Variants in SOCS6 observed in about 807,000 individuals in gnomAD.
SOCS6 encodes suppressor of cytokine signaling 6.
A neutral mutation model predicts 27.7 loss-of-function variants in SOCS6; 5 were observed. That is an observed-to-expected ratio of 0.18 (90% CI 0.09 to 0.38). The LOEUF is 0.38. SOCS6 is among the 10% of genes least tolerant of loss of function. SOCS6 has a pLI of 1.00. For missense variants in SOCS6, 595 were observed against 688.1 expected, an observed-to-expected ratio of 0.86 and a Z score of 1.51; for synonymous variants, 271 against 260.0, an observed-to-expected ratio of 1.04 and a Z score of -0.41.
At position 70,329,887 on chromosome 18, in the gene SOCS6, T is replaced by TTATA. The variant is rs1331773851; in HGVS notation, c.*3612_*3615dup. Reference sequence around the variant, plus strand: ...TACATCCAGAGATTATGAAAAATTCTTATAGAATTTTGTAACAAGTATTTA... The same window carrying TTATA: ...TACATCCAGAGATTATGAAAAATTCTTATATATAGAATTTTGTAACAAGTATTTA... On this transcript the variant is annotated 3_prime_UTR_variant, in exon 2 of 2. Coordinates refer to ENST00000397942, the MANE Select transcript of SOCS6 (RefSeq NM_004232.4). 2 of 167,104 alleles carry TTATA rather than the reference T, an allele frequency of 1.2e-5. No homozygotes were observed. The highest frequency in any genetic ancestry group is 1.3e-4 in the Admixed American group (2 of 15,284). 10.4% of individuals were successfully genotyped at this position (167,104 alleles called of 1,614,324 possible).
At chr18:70,289,316 G>C (rs2062287393) in intron 1 of SOCS6, among the ~76,000 whole-genome samples, 1 of 148,976 alleles carries the variant, frequency 6.7e-6, no homozygotes, top group African/African-American at 2.4e-5. Context: ...GGCCAGGGCC[G>C]GGGAACGGGG....
At position 70,326,688 on chromosome 18, in the gene SOCS6, A is replaced by G. The variant is rs1450861169; in HGVS notation, c.*412A>G. ...AATGGAAATTGCTATGTCTTTTTAAATGGTCCATTTTCAAAAGACAGTGTT... is the reference window on the plus strand; with the variant it reads ...AATGGAAATTGCTATGTCTTTTTAAGTGGTCCATTTTCAAAAGACAGTGTT... On this transcript the variant is annotated 3_prime_UTR_variant, in exon 2 of 2. Coordinates refer to ENST00000397942, the MANE Select transcript of SOCS6 (RefSeq NM_004232.4). 5.4e-6 allele frequency: 1 copy of G among 183,496 alleles called. No homozygotes were observed. The highest frequency in any genetic ancestry group is 1.3e-5 in the Non-Finnish European group (1 of 77,140). 11.4% of individuals were successfully genotyped at this position (183,496 alleles called of 1,614,324 possible). A position where few individuals can be genotyped will look rare whatever the true frequency, so the allele number is the denominator to read the frequency against.
At chr18:70,321,145 G>A (rs1201292856) in intron 1 of SOCS6, among the ~76,000 whole-genome samples, 3 of 151,648 alleles carry the variant, frequency 2.0e-5, no homozygotes, top group Non-Finnish European at 2.9e-5. Flanking sequence ...GTGGTGGTGC[G>A]TGCCTATAGT....
At chr18:70,323,015 A>G (rs575053115) in intron 1 of SOCS6, among the ~76,000 whole-genome samples, 8 of 152,302 alleles carry the variant, frequency 5.3e-5, no homozygotes, top group Admixed American at 1.3e-4. Flanking sequence ...TTATTCATCA[A>G]TCTGTGTATT....
chr18:70,292,898 AC>A (rs2062306295), intron 1 of SOCS6, among the ~76,000 whole-genome samples: 1 of 152,036 alleles, frequency 6.6e-6, no homozygotes, highest in Admixed American at 6.5e-5. Context: ...CAGTGGCACC[AC>A]CTCAGAGCAT....
Position 70,325,222 on chromosome 18 carries a change from A to G in SOCS6, c.554A>G (p.Gln185Arg), listed in dbSNP as rs372520047. Residue 185 changes from glutamine (Q) to arginine (R), a missense_variant, in exon 2 of 2, where the codon CAG becomes CGG. By Grantham distance (43) the Gln-to-Arg change is conservative. Coordinates refer to ENST00000397942, the MANE Select transcript of SOCS6 (RefSeq NM_004232.4). This position sits in a 1 kb window ranked among gnomAD's most constrained non-coding sequence, Gnocchi z 6.3. ...FHDLQSETTC[Q>R]EQANSLKSSA... ...GACCTCCAGTCTGAGACCACGTGCC[A>G]GGAGCAAGCCAATTCACTGAAGAGC... is the stretch of plus-strand genomic sequence containing the variant. The G allele has an allele frequency of 1.2e-6, 2 of 1,614,168 alleles. No individual in the cohort carries two copies. Among genetic ancestry groups the G allele is most frequent in the East Asian group, 2.2e-5 (1 of 44,882 alleles).
At chr18:70,319,360 A>T (rs1910890911) in intron 1 of SOCS6, among the ~76,000 whole-genome samples, 1 of 152,172 alleles carries the variant, frequency 6.6e-6, no homozygotes, top group African/African-American at 2.4e-5. Flanking sequence ...TCTTTGCTTT[A>T]TGTTAAAGTC....
intron 1 of SOCS6, among the ~76,000 whole-genome samples, chr18:70,305,016 C>T (rs1254837717): frequency 6.6e-6 from 1 of 152,038 alleles, no homozygotes; most frequent in Admixed American, 6.6e-5. Flanking sequence ...ACCAGTCTGG[C>T]CAACATGGTG....
intron 1 of SOCS6, among the ~76,000 whole-genome samples, chr18:70,297,862 A>G (rs1163477532): frequency 1.3e-5 from 2 of 152,192 alleles, no homozygotes; most frequent in African/African-American, 4.8e-5. Flanking sequence ...TTAAAACTCC[A>G]TTCTTCATTT....
At chr18:70,293,918 C>T (rs887837259) in intron 1 of SOCS6, among the ~76,000 whole-genome samples, 4 of 152,026 alleles carry the variant, frequency 2.6e-5, no homozygotes, top group East Asian at 3.9e-4. Flanking sequence ...TAGTGAAACC[C>T]CGTCTCTACT....
chr18:70,320,252 G>A (rs767804339), intron 1 of SOCS6, among the ~76,000 whole-genome samples: 1 of 152,180 alleles, frequency 6.6e-6, no homozygotes, highest in Non-Finnish European at 1.5e-5. Context: ...GCTTCCCAGA[G>A]TGCTGGGATT....
intron 1 of SOCS6, among the ~76,000 whole-genome samples, chr18:70,312,755 C>T (rs1268721900): frequency 3.3e-5 from 5 of 150,068 alleles, no homozygotes; most frequent in South Asian, 2.1e-4. Context: ...ATTTCCATTA[C>T]GCCAAAATTC....
chr18:70,317,461 TACATATATAC>T (rs1325137734), intron 1 of SOCS6, among the ~76,000 whole-genome samples: 2 of 137,724 alleles, frequency 1.5e-5, no homozygotes, highest in Non-Finnish European at 3.0e-5. Context: ...CATATATAGA[TACATATATAC>T]ACATATATAC....
rs144680790 is a variant in SOCS6, at chr18:70,309,655, C to G, written c.-126-14888C>G. ...AATACAGACACTTGGCTTCATGTCT[C>G]CTTTTCCTCCCCTAACTTTATGCCT... is the stretch of plus-strand genomic sequence containing the variant. On this transcript the variant is annotated intron_variant, in intron 1 of 1. Transcript: ENST00000397942. Among the ~76,000 whole-genome samples the G allele has an allele frequency of 1.4e-3, 211 of 152,214 alleles. 1 individual carries two copies. Among genetic ancestry groups the G allele is most frequent in the South Asian group, 7.5e-3 (36 of 4,814 alleles).
intron 1 of SOCS6, among the ~76,000 whole-genome samples, chr18:70,302,461 G>A (rs1396004891): frequency 1.3e-5 from 2 of 152,230 alleles, no homozygotes; most frequent in Admixed American, 1.3e-4. Context: ...TGCGGGTCAT[G>A]GCCTTGACTA....
intron 1 of SOCS6, among the ~76,000 whole-genome samples, chr18:70,302,305 A>G (rs1383505374): frequency 6.6e-6 from 1 of 152,002 alleles, no homozygotes; most frequent in East Asian, 1.9e-4. Context: ...ATCTGCTGCG[A>G]TATTAAATGA....
intron 1 of SOCS6, among the ~76,000 whole-genome samples, chr18:70,317,766 A>G (rs1170452441): frequency 3.3e-5 from 5 of 151,834 alleles, no homozygotes; most frequent in African/African-American, 1.2e-4. Flanking sequence ...CGGAATTTCC[A>G]GTTTTCCGTA....
chr18:70,294,787 C>T (rs1217028488), intron 1 of SOCS6, among the ~76,000 whole-genome samples: 10 of 152,154 alleles, frequency 6.6e-5, no homozygotes, highest in East Asian at 1.9e-4. Context: ...GGTGGGAGAC[C>T]GAGAACAAAA....
rs75336173 is a variant in SOCS6 at position 70,313,075 on chromosome 18, G to A, written c.-126-11468G>A. On this transcript the variant is annotated intron_variant, in intron 1 of 1. Transcript: ENST00000397942. ...GATTACAGGCGTGAGCCACCACACC[G>A]GGTCCATGGATTTTTTAATGATGAA... 1.5e-3 allele frequency among the ~76,000 whole-genome samples: 226 copies of A among 152,152 alleles called. 1 individual carries two copies. Among genetic ancestry groups the A allele is most frequent in the African/African-American group, 5.1e-3 (210 of 41,532 alleles).
Sources: gnomAD v4.1 joint callset for allele counts (sites outside exome capture counted in the v4.1 genomes callset) on GRCh38, gnomAD v4.1.1 for gene constraint, Gnocchi (gnomAD v3.1) non-coding constraint, MANE v1.5 for transcripts, NCBI Gene and HGNC (gene_info 2026-07-23, HGNC 2026-07-21) for gene names.